XIRP2: variants seen among roughly 807,000 people sequenced by gnomAD.
XIRP2 encodes xin actin binding repeat containing 2.
Under a neutral mutation model 277.0 loss-of-function variants are expected in XIRP2, and 236 were observed. That is an observed-to-expected ratio of 0.85 (90% CI 0.77 to 0.95). XIRP2 has a LOEUF of 0.95. Among genes scored for constraint, XIRP2 ranks in the 40% least tolerant of loss-of-function variants. XIRP2 has a pLI of 0.00. For synonymous variants in XIRP2, 1,490 were observed against 1,416.5 expected (o/e 1.05, Z -1.17); for missense variants, 4,640 against 4,157.5 (o/e 1.12, Z -3.19).
intron 2 of XIRP2, among the ~76,000 whole-genome samples, chr2:167,091,787 T>C (rs1001453121): frequency 6.6e-5 from 10 of 152,120 alleles, no homozygotes; most frequent in African/African-American, 1.9e-4. Context: ...CTGCTATAGG[T>C]ATTAAACATC....
At chr2:167,064,158 A>G (rs922372777) in intron 2 of XIRP2, among the ~76,000 whole-genome samples, 2 of 151,842 alleles carry the variant, frequency 1.3e-5, no homozygotes, top group Non-Finnish European at 2.9e-5. Flanking sequence ...GTAATATTTT[A>G]ATATTCATAT....
intron 2 of XIRP2, among the ~76,000 whole-genome samples, chr2:166,922,891 T>G (rs1024701998): frequency 6.6e-6 from 1 of 151,672 alleles, no homozygotes; most frequent in African/African-American, 2.4e-5. Context: ...GTGTAATGAT[T>G]TCTAGTACTC....
chr2:167,023,847 T>G (rs1219539336), intron 2 of XIRP2, among the ~76,000 whole-genome samples: 1 of 152,192 alleles, frequency 6.6e-6, no homozygotes, highest in East Asian at 1.9e-4. Flanking sequence ...CATGCTGTTT[T>G]GGTTACTGTA....
At chr2:167,104,676 A>G (rs1027140243) in intron 2 of XIRP2, among the ~76,000 whole-genome samples, 1 of 152,028 alleles carries the variant, frequency 6.6e-6, no homozygotes, top group Non-Finnish European at 1.5e-5. Context: ...GCTTTATTTT[A>G]CTGTTGCTTA....
intron 2 of XIRP2, among the ~76,000 whole-genome samples, chr2:166,937,489 T>C (rs184191936): frequency 6.6e-6 from 1 of 152,296 alleles, no homozygotes; most frequent in East Asian, 1.9e-4. Flanking sequence ...CTGCTGGATT[T>C]GGTTTGCCAG....
intron 2 of XIRP2, among the ~76,000 whole-genome samples, chr2:166,922,389 G>A (rs568433396): frequency 6.6e-6 from 1 of 152,056 alleles, no homozygotes; most frequent in South Asian, 2.1e-4. Flanking sequence ...AAGTGTTTCA[G>A]CCATAAAATA....
chr2:167,090,224 A>G (rs1429600231), intron 2 of XIRP2, among the ~76,000 whole-genome samples: 1 of 152,104 alleles, frequency 6.6e-6, no homozygotes. Context: ...AATAATATAA[A>G]TTAGTTTTAC....
At chr2:166,955,547 A>G (rs575335711) in intron 2 of XIRP2, among the ~76,000 whole-genome samples, 5 of 151,996 alleles carry the variant, frequency 3.3e-5, no homozygotes, top group African/African-American at 1.2e-4. Context: ...TGACCCATAC[A>G]CTTGAAATAA....
chr2:167,115,978 C>T (rs1354715096), intron 2 of XIRP2, among the ~76,000 whole-genome samples: 1 of 152,062 alleles, frequency 6.6e-6, no homozygotes, highest in Non-Finnish European at 1.5e-5. Context: ...TAGATTGATT[C>T]CACTTTGGTC....
chr2:167,186,242 A>G (rs1693148722), intron 3 of XIRP2, among the ~76,000 whole-genome samples: 1 of 152,194 alleles, frequency 6.6e-6, no homozygotes, highest in African/African-American at 2.4e-5. Flanking sequence ...GAGTATATAG[A>G]ACACTATCTC....
intron 1 of XIRP2, among the ~76,000 whole-genome samples, chr2:166,898,541 T>C (rs906328715): frequency 1.3e-5 from 2 of 152,172 alleles, no homozygotes; most frequent in Non-Finnish European, 2.9e-5. Context: ...ATAGCAAAGA[T>C]AGTACAGAGA....
chr2:167,259,474 T>C lies in XIRP2; in HGVS notation c.*1657T>C. On this transcript the variant is annotated 3_prime_UTR_variant, in exon 11 of 11. Transcript: ENST00000409195. ...TTTGAGGAACTTGATGTAAACATGGTGTTCAGAAATCTCGTGTCTATCTCA... is the reference window on the plus strand; with the variant it reads ...TTTGAGGAACTTGATGTAAACATGGCGTTCAGAAATCTCGTGTCTATCTCA... 1 of 1,097,988 alleles carries C rather than the reference T, an allele frequency of 9.1e-7. No individual in the cohort carries two copies. The highest frequency in any genetic ancestry group is 2.6e-5 in the East Asian group (1 of 37,756). The allele number at this position is 1,097,988 out of a possible 1,614,324, so 68.0% of individuals were successfully genotyped here. A position where few individuals can be genotyped will look rare whatever the true frequency, so the allele number is the denominator to read the frequency against.
chr2:167,078,994 T>C (rs1689656364), intron 2 of XIRP2, among the ~76,000 whole-genome samples: 1 of 152,196 alleles, frequency 6.6e-6, no homozygotes, highest in Admixed American at 6.5e-5. Context: ...TGGCTGTGGG[T>C]TTGTCATACA....
Position 166,988,607 on chromosome 2 carries a change from C to T in XIRP2, c.408+84717C>T, listed in dbSNP as rs1337663480. On this transcript the variant is annotated intron_variant, in intron 2 of 10. Transcript: ENST00000409195. ...CAGTGGGCGCAGGCCAGTGTGTGTG[C>T]GCACCGTGCGCGAGCCGAAGCAGGG... Among the ~76,000 whole-genome samples the T allele has an allele frequency of 1.2e-4, 15 of 129,020 alleles. 1 individual carries two copies. The South Asian group carries it at 1.4e-3, about 12-fold the overall frequency. The allele number at this position is 129,020 out of a possible 152,430, so 84.6% of individuals were successfully genotyped here. A position where few individuals can be genotyped will look rare whatever the true frequency, so the allele number is the denominator to read the frequency against.
chr2:167,057,452 G>T (rs1467278584), intron 2 of XIRP2, among the ~76,000 whole-genome samples: 31 of 152,114 alleles, frequency 2.0e-4, no homozygotes, highest in Admixed American at 1.8e-3. Flanking sequence ...AACCATCTTT[G>T]GCAGACATAG....
chr2:167,217,683 A>C (rs1408892449), intron 4 of XIRP2, among the ~76,000 whole-genome samples: 3 of 152,212 alleles, frequency 2.0e-5, no homozygotes, highest in African/African-American at 7.2e-5. Context: ...TACATAAGGA[A>C]TATTCTGAGG....
intron 2 of XIRP2, among the ~76,000 whole-genome samples, chr2:167,099,083 A>G (rs1320105628): frequency 1.3e-5 from 2 of 152,280 alleles, no homozygotes; most frequent in Admixed American, 6.5e-5. Context: ...GGAACGTTTA[A>G]GTTTGCTGAA....
intron 3 of XIRP2, among the ~76,000 whole-genome samples, chr2:167,205,297 G>T (rs932913002): frequency 1.3e-5 from 2 of 152,124 alleles, no homozygotes; most frequent in South Asian, 2.1e-4. Context: ...ACCAATATTT[G>T]TTTAGTGAGA....
chr2:166,919,444 G>A (rs1055982191), intron 2 of XIRP2, among the ~76,000 whole-genome samples: 4 of 152,132 alleles, frequency 2.6e-5, no homozygotes, highest in Non-Finnish European at 5.9e-5. Flanking sequence ...GTAATGCAAC[G>A]TAATGCATGC....
Sources: gnomAD v4.1 joint callset for allele counts (sites outside exome capture counted in the v4.1 genomes callset) on GRCh38, gnomAD v4.1.1 for gene constraint, MANE v1.5 for transcripts, NCBI Gene and HGNC (gene_info 2026-07-23, HGNC 2026-07-21) for gene names.